The following VAPA variants were observed in gnomAD, a reference collection of about 807,000 sequenced individuals.
VAPA encodes VAMP associated protein A.
VAPA carries 6 observed loss-of-function variants against 25.6 expected under a neutral mutation model. The ratio of observed to expected loss-of-function variants is 0.23; its 90% CI spans 0.13 to 0.46. The LOEUF (loss-of-function observed/expected upper bound fraction) is 0.46, where lower values mean the gene tolerates loss of function less well. VAPA is among the 20% of genes least tolerant of loss of function. The pLI is 0.99. For missense variants in VAPA, 244 were observed against 302.1 expected (o/e 0.81, Z 1.43); for synonymous variants, 112 against 106.2 (o/e 1.05, Z -0.34).
Position 9,957,925 on chromosome 18 carries a change from C to G in VAPA, c.*3714C>G, listed in dbSNP as rs1350321697. Reference sequence around the variant, plus strand: ...TTGGTAGACTACCACCACGCTTCTTCGCGTAAGCAGTGGCATCTTGGGAAT... The same window carrying G: ...TTGGTAGACTACCACCACGCTTCTTGGCGTAAGCAGTGGCATCTTGGGAAT... On this transcript the variant is annotated 3_prime_UTR_variant, in exon 6 of 6. Transcript: ENST00000400000. 1 of 152,196 alleles carries G rather than the reference C, an allele frequency of 6.6e-6. No homozygotes were observed. Among genetic ancestry groups the G allele is most frequent in the East Asian group, 1.9e-4 (1 of 5,198 alleles). 9.4% of individuals were successfully genotyped at this position (152,196 alleles called of 1,614,324 possible).
intron 4 of VAPA, among the ~76,000 whole-genome samples, chr18:9,937,457 A>C (rs146383017): frequency 1.3e-5 from 2 of 152,058 alleles, no homozygotes. Flanking sequence ...TTACATGGAC[A>C]GTTTATTCCA....
At chr18:9,949,470 G>A (rs1324452952) in intron 4 of VAPA, 1 of 152,220 alleles carries the variant, frequency 6.6e-6, no homozygotes, top group Non-Finnish European at 1.5e-5. Flanking sequence ...CTGGGATGGT[G>A]TGGTAGGTGT....
Position 9,956,208 on chromosome 18 carries a change from A to G in VAPA, c.*1997A>G, listed in dbSNP as rs1353358695. Reference sequence around the variant, plus strand: ...CTTTCCCCGTGTCTCACAGGTAGGTAGAGGCAGAGCTGGAACTAGATATCT... The same window carrying G: ...CTTTCCCCGTGTCTCACAGGTAGGTGGAGGCAGAGCTGGAACTAGATATCT... On this transcript the variant is annotated 3_prime_UTR_variant, in exon 6 of 6. Coordinates refer to ENST00000400000, the MANE Select transcript of VAPA (RefSeq NM_194434.3). 2.0e-5 allele frequency: 3 copies of G among 152,236 alleles called. No homozygotes were observed. The highest frequency in any genetic ancestry group is 2.0e-4 in the Admixed American group (3 of 15,282). The allele number at this position is 152,236 out of a possible 1,614,324, so 9.4% of individuals were successfully genotyped here.
chr18:9,938,434 C>T (rs761730476), intron 4 of VAPA, among the ~76,000 whole-genome samples: 8 of 152,174 alleles, frequency 5.3e-5, no homozygotes, highest in South Asian at 2.1e-4. Flanking sequence ...AGTTGAACCT[C>T]GCCATTTACA....
At chr18:9,943,650 A>G (rs144783832) in intron 4 of VAPA, among the ~76,000 whole-genome samples, 174 of 152,220 alleles carry the variant, frequency 1.1e-3, no homozygotes, top group African/African-American at 3.9e-3. Flanking sequence ...GTAATGTCCA[A>G]TTAGTGGTAG....
intron 1 of VAPA, among the ~76,000 whole-genome samples, chr18:9,929,847 A>G (rs1307222320): frequency 6.6e-6 from 1 of 152,192 alleles, no homozygotes; most frequent in South Asian, 2.1e-4. Flanking sequence ...TTTTACTCGC[A>G]AGTTAACATG....
At position 9,957,744 on chromosome 18, in the gene VAPA, G is replaced by T. The variant is rs1226569587; in HGVS notation, c.*3533G>T. On this transcript the variant is annotated 3_prime_UTR_variant, in exon 6 of 6. Transcript: ENST00000400000. ...CAAAAAAAATTTCAACAGATTGTGT[G>T]GTTTGTGCATTTATATCCTGTTAAG... The T allele has an allele frequency of 6.6e-6, 1 of 152,188 alleles. No individual in the cohort carries two copies. Among genetic ancestry groups the T allele is most frequent in the African/African-American group, 2.4e-5 (1 of 41,460 alleles). The allele number at this position is 152,188 out of a possible 1,614,324, so 9.4% of individuals were successfully genotyped here.
At position 9,949,164 on chromosome 18, in the gene VAPA, ATTGG is replaced by A. The variant is rs2069459326; in HGVS notation, c.418-1226_418-1223del. The A allele has an allele frequency of 2.6e-5, 4 of 152,248 alleles. No homozygotes were observed. The South Asian group carries it at 6.2e-4, about 24-fold the overall frequency. The allele number at this position is 152,248 out of a possible 1,614,324, so 9.4% of individuals were successfully genotyped here. ...TAATAATAGGGGCGGCTATTATTAG[ATTGG>A]TTGGGGTGGGAGAAATGGGGGTGAA... On this transcript the variant is annotated intron_variant, in intron 4 of 5. Transcript: ENST00000400000.
chr18:9,919,442 G>A (rs991842866), intron 1 of VAPA, among the ~76,000 whole-genome samples: 2 of 152,092 alleles, frequency 1.3e-5, no homozygotes, highest in African/African-American at 4.8e-5. Context: ...TGTTTTCATG[G>A]GGCAGTTCTA....
intron 4 of VAPA, among the ~76,000 whole-genome samples, chr18:9,943,088 C>G (rs943797364): frequency 1.3e-5 from 2 of 152,050 alleles, no homozygotes; most frequent in Non-Finnish European, 2.9e-5. Flanking sequence ...GACCTTGATA[C>G]TGGATATATA....
intron 4 of VAPA, among the ~76,000 whole-genome samples, chr18:9,938,829 A>C (rs543351236): frequency 2.6e-5 from 4 of 152,372 alleles, no homozygotes; most frequent in Admixed American, 2.6e-4. Flanking sequence ...TAGGAGGAGT[A>C]CAGTGAACCT....
chr18:9,936,908 T>A, intron 3 of VAPA, 78 bp from the exon 4 acceptor site: 1 of 1,270,202 alleles, frequency 7.9e-7, no homozygotes, highest in South Asian at 1.3e-5. Context: ...CACTCATCTT[T>A]TAGCTGTCCC....
intron 1 of VAPA, among the ~76,000 whole-genome samples, chr18:9,921,481 A>G (rs571960017): frequency 6.6e-6 from 1 of 152,376 alleles, no homozygotes; most frequent in South Asian, 2.1e-4. Flanking sequence ...GGAAAACTAT[A>G]CTTTTAATCC....
At chr18:9,943,639 C>T (rs1017847629) in intron 4 of VAPA, among the ~76,000 whole-genome samples, 4 of 152,018 alleles carry the variant, frequency 2.6e-5, no homozygotes, top group South Asian at 2.1e-4. Context: ...TCTGTATATA[C>T]GTAATGTCCA....
rs545257737 is a variant in VAPA, at chr18:9,926,073, A to G, written c.80-5737A>G. On this transcript the variant is annotated intron_variant, in intron 1 of 5. Transcript: ENST00000400000. ...AAACTTGGTATATTAAAATGTAATGAAAGTATCTACTTCATGGACTTGTGA... is the reference window on the plus strand; with the variant it reads ...AAACTTGGTATATTAAAATGTAATGGAAGTATCTACTTCATGGACTTGTGA... Among the ~76,000 whole-genome samples the G allele has an allele frequency of 2.4e-4, 37 of 152,286 alleles. No homozygotes were observed. In the South Asian group the frequency reaches 7.3e-3, roughly 30 times the overall value.
intron 2 of VAPA, 62 bp downstream of exon 2, chr18:9,932,024 T>C (rs549715526): frequency 1.5e-6 from 2 of 1,292,862 alleles, no homozygotes; most frequent in African/African-American, 3.0e-5. Context: ...ATTATGTTTT[T>C]GTTTAATAAG....
At position 9,914,235 on chromosome 18, in the gene VAPA, C is replaced by G. The variant is rs762096306; in HGVS notation, c.-22C>G. On this transcript the variant is annotated 5_prime_UTR_variant, in exon 1 of 6. Coordinates refer to ENST00000400000, the MANE Select transcript of VAPA (RefSeq NM_194434.3). ...AGCAAACCGCCGCCGCGGGCGCGCC[C>G]CCGCTCTGCGCTGTCTCTCCGATGG... 1 of 1,570,604 alleles carries G rather than the reference C, an allele frequency of 6.4e-7. No homozygotes were observed. The highest frequency in any genetic ancestry group is 8.6e-7 in the Non-Finnish European group (1 of 1,160,942).
chr18:9,928,806 T>C (rs1399579575), intron 1 of VAPA, among the ~76,000 whole-genome samples: 1 of 152,216 alleles, frequency 6.6e-6, no homozygotes, highest in Non-Finnish European at 1.5e-5. Flanking sequence ...AGTCAGATAC[T>C]TGTACCCTAC....
At chr18:9,930,914 C>G (rs948357808) in intron 1 of VAPA, among the ~76,000 whole-genome samples, 4 of 151,938 alleles carry the variant, frequency 2.6e-5, no homozygotes, top group African/African-American at 9.7e-5. Flanking sequence ...AAATAAGTGT[C>G]TTTTAATGAC....
Sources: gnomAD v4.1 joint callset for allele counts (sites outside exome capture counted in the v4.1 genomes callset) on GRCh38, gnomAD v4.1.1 for gene constraint, MANE v1.5 for transcripts, NCBI Gene and HGNC (gene_info 2026-07-23, HGNC 2026-07-21) for gene names.